The following TDRD9 variants were observed in gnomAD, a reference collection of about 807,000 sequenced individuals.
TDRD9 encodes the protein tudor domain containing 9, also known as ATP-dependent RNA helicase TDRD9.
Under a neutral mutation model 172.6 loss-of-function variants are expected in TDRD9, and 124 were observed. The ratio of observed to expected loss-of-function variants is 0.72; its 90% CI spans 0.62 to 0.83. The LOEUF (loss-of-function observed/expected upper bound fraction) is 0.83, where lower values mean the gene tolerates loss of function less well. Among genes scored for constraint, TDRD9 ranks in the 40% least tolerant of loss-of-function variants. The probability of loss-of-function intolerance (pLI) is 0.00; values close to 1 mark genes in which losing one functional copy is unlikely to be tolerated. For missense variants in TDRD9, 1,479 were observed against 1,714.1 expected (o/e 0.86, Z 2.42); for synonymous variants, 619 against 617.1 (o/e 1.00, Z -0.05).
chr14:104,027,597 T>G (rs955652805), intron 28 of TDRD9, among the ~76,000 whole-genome samples: 7 of 152,234 alleles, frequency 4.6e-5, no homozygotes, highest in African/African-American at 1.7e-4. Context: ...ATTGTACATA[T>G]TTATGGGATA....
At chr14:103,939,932 T>C (rs1435460184) in intron 1 of TDRD9, 3 of 150,814 alleles carry the variant, frequency 2.0e-5, no homozygotes, top group Non-Finnish European at 4.4e-5. Context: ...TTGATACGTA[T>C]ATTTTTTTCT....
At chr14:103,932,476 C>T (rs546495308) in intron 1 of TDRD9, among the ~76,000 whole-genome samples, 2 of 152,104 alleles carry the variant, frequency 1.3e-5, no homozygotes, top group African/African-American at 4.8e-5. Context: ...CAAGCTCTGC[C>T]TCCCGGGTTC....
intron 23 of TDRD9, among the ~76,000 whole-genome samples, chr14:104,020,862 C>T (rs984294427): frequency 6.6e-6 from 1 of 152,182 alleles, no homozygotes; most frequent in Admixed American, 6.5e-5. Context: ...TGTCTTCCTT[C>T]TGCCTGGCAC....
At position 103,941,209 on chromosome 14, in the gene TDRD9, AG is replaced by A; in HGVS notation, c.215+12486del. ...ATGTATACAAGTTACCCACCTTTTG[AG>A]TATTTTGCATGTTGTTTTAAAATTA... On this transcript the variant is annotated intron_variant, in intron 1 of 35. Coordinates refer to ENST00000409874, the MANE Select transcript of TDRD9 (RefSeq NM_153046.3). 4.9e-6 allele frequency: 5 copies of A among 1,022,974 alleles called. 1 individual carries two copies. Among genetic ancestry groups the A allele is most frequent in the South Asian group, 3.5e-5 (2 of 57,690 alleles). The allele number at this position is 1,022,974 out of a possible 1,614,324, so 63.4% of individuals were successfully genotyped here.
At chr14:103,935,085 C>T (rs1025970487) in intron 1 of TDRD9, among the ~76,000 whole-genome samples, 1 of 152,188 alleles carries the variant, frequency 6.6e-6, no homozygotes, top group Non-Finnish European at 1.5e-5. Flanking sequence ...ACTTTGGACT[C>T]GGACTGCAAC....
At chr14:104,024,915 TA>T (rs1398134615) in intron 25 of TDRD9, among the ~76,000 whole-genome samples, 1 of 152,230 alleles carries the variant, frequency 6.6e-6, no homozygotes, top group Non-Finnish European at 1.5e-5. Flanking sequence ...AGTTAATTTT[TA>T]AAATATCAAG....
intron 28 of TDRD9, 84 bp from the exon 29 acceptor site, chr14:104,031,024 T>C (rs1351228642): frequency 1.6e-6 from 2 of 1,222,112 alleles, no homozygotes; most frequent in African/African-American, 3.1e-5. Context: ...AGTAACACTG[T>C]GCCTATGAAA....
At chr14:103,961,268 G>A (rs531753475) in intron 2 of TDRD9, among the ~76,000 whole-genome samples, 24 of 152,274 alleles carry the variant, frequency 1.6e-4, no homozygotes, top group African/African-American at 5.8e-4. Context: ...GCAATCACTA[G>A]TTAGGCTGAT....
intron 8 of TDRD9, 105 bp from the exon 9 acceptor site, chr14:103,991,055 C>A: frequency 7.5e-7 from 1 of 1,327,198 alleles, no homozygotes; most frequent in East Asian, 2.4e-5. Context: ...ATTGGATGAC[C>A]TGTAAGAGCC....
chr14:103,931,614 A>C (rs891042853), intron 1 of TDRD9, among the ~76,000 whole-genome samples: 1 of 152,200 alleles, frequency 6.6e-6, no homozygotes, highest in African/African-American at 2.4e-5. Context: ...TTGGTGGTAA[A>C]GTGACTTGCC....
chr14:103,936,840 C>T (rs2030798845), intron 1 of TDRD9, among the ~76,000 whole-genome samples: 1 of 152,106 alleles, frequency 6.6e-6, no homozygotes, highest in Admixed American at 6.5e-5. Context: ...GCCTGTAATC[C>T]CAGTGCTTTG....
chr14:104,004,257 T>C lies in TDRD9; in HGVS notation c.1503T>C (p.Ser501=). 1 of 1,598,562 alleles carries C rather than the reference T, an allele frequency of 6.3e-7. No individual in the cohort carries two copies. Among genetic ancestry groups the C allele is most frequent in the Non-Finnish European group, 8.6e-7 (1 of 1,168,806 alleles). ...TTGAAGGCCGTGCTGGACGAGTGTC[T>C]AGAGGGTACTGTTACCGGCTGGTAC... The part of the protein sequence containing the change: ...NQRKGRAGRV[S]RGYCYRLVHK... Residue 501 remains serine (S), a synonymous_variant, in exon 14 of 36, where the codon TCT becomes TCC. Transcript: ENST00000409874.
chr14:104,022,583 C>T (rs543638078), intron 24 of TDRD9, among the ~76,000 whole-genome samples: 23 of 152,132 alleles, frequency 1.5e-4, no homozygotes, highest in Middle Eastern at 6.8e-3. Flanking sequence ...AAAAATTAGC[C>T]GGGCATGGTC....
At position 103,997,169 on chromosome 14, in the gene TDRD9, CAGGAT is replaced by C. The variant is rs2152206483; in HGVS notation, c.1378+1363_1378+1367del. ...ATGACATAACCTGAAGTTCACTTAA[CAGGAT>C]TTCTCTGGGAATAGACTAGAATGAG... On this transcript the variant is annotated intron_variant, in intron 12 of 35. Coordinates refer to ENST00000409874, the MANE Select transcript of TDRD9 (RefSeq NM_153046.3). The surrounding 1 kb of genome is among the most constrained non-coding windows in gnomAD (Gnocchi z 5.1). Among the ~76,000 whole-genome samples the C allele has an allele frequency of 6.6e-6, 1 of 152,264 alleles. No individual in the cohort carries two copies. Among genetic ancestry groups the C allele is most frequent in the East Asian group, 1.9e-4 (1 of 5,190 alleles).
At chr14:104,031,358 C>G (rs1397041163) in intron 29 of TDRD9, 95 bp downstream of exon 29, 2 of 1,041,866 alleles carry the variant, frequency 1.9e-6, no homozygotes, top group African/African-American at 1.6e-5. Context: ...GTGGTTTTTT[C>G]TTTTCTGGCT....
At chr14:103,937,365 C>T (rs2030835785) in intron 1 of TDRD9, among the ~76,000 whole-genome samples, 1 of 152,172 alleles carries the variant, frequency 6.6e-6, no homozygotes. Flanking sequence ...TCAGTGCTTC[C>T]CGTCGCTCCC....
At chr14:103,968,348 A>G (rs2032846328) in intron 5 of TDRD9, among the ~76,000 whole-genome samples, 1 of 152,262 alleles carries the variant, frequency 6.6e-6, no homozygotes. Flanking sequence ...ACTGGATTCA[A>G]CTACCTGAAG....
At position 103,966,943 on chromosome 14, in the gene TDRD9, C is replaced by T. The variant is rs564657482; in HGVS notation, c.765+112C>T. On this transcript the variant is annotated intron_variant, in intron 5 of 35. Coordinates refer to ENST00000409874, the MANE Select transcript of TDRD9 (RefSeq NM_153046.3). ...TCTCAGCTTTCTTTATTTTTTCCTTCCCCTTTACTTTCTGGACTTTTCTCA... is the reference window on the plus strand; with the variant it reads ...TCTCAGCTTTCTTTATTTTTTCCTTTCCCTTTACTTTCTGGACTTTTCTCA... 11 of 1,043,672 alleles carry T rather than the reference C, an allele frequency of 1.1e-5. No individual in the cohort carries two copies. In the African/African-American group the frequency reaches 1.6e-4, roughly 15 times the overall value. The allele number at this position is 1,043,672 out of a possible 1,614,324, so 64.7% of individuals were successfully genotyped here. A position where few individuals can be genotyped will look rare whatever the true frequency, so the allele number is the denominator to read the frequency against.
intron 2 of TDRD9, among the ~76,000 whole-genome samples, chr14:103,958,116 A>G (rs1484231734): frequency 6.6e-6 from 1 of 152,222 alleles, no homozygotes; most frequent in Admixed American, 6.5e-5. Flanking sequence ...ATCTCTGATC[A>G]TTGTAGAGAT....
Sources: allele counts gnomAD v4.1 joint callset (sites outside exome capture counted in the v4.1 genomes callset), GRCh38; gene constraint gnomAD v4.1.1; non-coding constraint Gnocchi (gnomAD v3.1); transcripts MANE v1.5; gene names NCBI Gene and HGNC (gene_info 2026-07-23, HGNC 2026-07-21).